Variants in CSMD1 observed in about 807,000 individuals in gnomAD.
CSMD1 encodes the protein CUB and Sushi multiple domains 1.
A neutral mutation model predicts 417.5 loss-of-function variants in CSMD1; 213 were observed. The observed-to-expected ratio is 0.51, with a 90% confidence interval of 0.46 to 0.57. CSMD1 has a LOEUF of 0.57. Ranked by LOEUF, CSMD1 falls within the 20% of genes least tolerant of loss-of-function variation. The pLI is 0.00. For missense variants in CSMD1, 6,923 were observed against 4,529.7 expected, an observed-to-expected ratio of 1.53 and a Z score of -15.17; for synonymous variants, 2,862 against 1,736.8, an observed-to-expected ratio of 1.65 and a Z score of -16.11.
intron 5 of CSMD1, among the ~76,000 whole-genome samples, chr8:3,891,556 A>G (rs1306626659): frequency 1.3e-5 from 2 of 151,956 alleles, no homozygotes; most frequent in African/African-American, 4.8e-5. Context: ...GGGGGTGTAC[A>G]CCTGTAGTCT....
intron 29 of CSMD1, among the ~76,000 whole-genome samples, chr8:3,217,439 C>T (rs1439295011): frequency 6.6e-6 from 1 of 152,202 alleles, no homozygotes; most frequent in South Asian, 2.1e-4. Context: ...CTTAGGATGC[C>T]GGGGAGAACA....
chr8:4,473,441 G>C (rs1051535011), intron 2 of CSMD1, among the ~76,000 whole-genome samples: 3 of 152,126 alleles, frequency 2.0e-5, no homozygotes, highest in African/African-American at 7.2e-5. Flanking sequence ...GTATTATTTT[G>C]TTTCATAAGC....
intron 1 of CSMD1, among the ~76,000 whole-genome samples, chr8:4,666,846 A>G (rs1804967932): frequency 6.6e-6 from 1 of 152,056 alleles, no homozygotes; most frequent in Non-Finnish European, 1.5e-5. Flanking sequence ...AGAACTTTAT[A>G]ATTTTGATGA....
chr8:4,379,344 G>C (rs752160374), intron 3 of CSMD1, among the ~76,000 whole-genome samples: 4 of 152,224 alleles, frequency 2.6e-5, no homozygotes, highest in African/African-American at 9.7e-5. Context: ...AATTGGAGGA[G>C]ATTCAGGAGA....
chr8:4,540,365 T>C (rs1264080426), intron 2 of CSMD1, among the ~76,000 whole-genome samples: 2 of 151,880 alleles, frequency 1.3e-5, no homozygotes, highest in African/African-American at 4.8e-5. Context: ...CCAAAACTGG[T>C]GAAATAAGCA....
In CSMD1 at chr8:3,546,093, G is replaced by C. The variant is rs550118703; in HGVS notation, c.1344+28852C>G. On this transcript the variant is annotated intron_variant, in intron 10 of 69. Transcript: ENST00000635120. ...CAGCCCTTGCTAACAAATGTAAATA[G>C]CAGTAAAATCCAAGAAAATATGTTT... is the stretch of plus-strand genomic sequence containing the variant. Among the ~76,000 whole-genome samples the C allele has an allele frequency of 3.9e-5, 6 of 152,308 alleles. No individual in the cohort carries two copies. The East Asian group carries it at 9.7e-4, about 25-fold the overall frequency.
At chr8:3,736,236 T>G (rs988552124) in intron 6 of CSMD1, among the ~76,000 whole-genome samples, 17 of 152,178 alleles carry the variant, frequency 1.1e-4, no homozygotes, top group Non-Finnish European at 2.2e-4. Flanking sequence ...TGTGTGTATT[T>G]TTTTGTTTTG....
At chr8:4,958,353 G>A (rs28489494) in intron 1 of CSMD1, among the ~76,000 whole-genome samples, 1,860 of 152,082 alleles carry the variant, frequency 0.012, 32 homozygotes, top group African/African-American at 0.041. Context: ...AGGTGAACAT[G>A]GTTGATCTTT....
chr8:3,741,645 T>A (rs191822092), intron 6 of CSMD1, among the ~76,000 whole-genome samples: 2 of 152,236 alleles, frequency 1.3e-5, no homozygotes, highest in Admixed American at 1.3e-4. Context: ...CTAGCAAAAC[T>A]GAAAAGTAAT....
At chr8:3,321,683 C>G (rs1466268826) in intron 23 of CSMD1, among the ~76,000 whole-genome samples, 2 of 151,250 alleles carry the variant, frequency 1.3e-5, no homozygotes, top group Admixed American at 1.3e-4. Flanking sequence ...TATTTTAATT[C>G]TAGACAATGT....
intron 2 of CSMD1, among the ~76,000 whole-genome samples, chr8:4,503,094 T>C (rs1025343352): frequency 3.3e-5 from 5 of 152,186 alleles, no homozygotes; most frequent in Admixed American, 3.3e-4. Context: ...GAACAAGAAC[T>C]GTGAATTTGA....
At chr8:4,567,129 C>T (rs1220253992) in intron 2 of CSMD1, among the ~76,000 whole-genome samples, 1 of 152,166 alleles carries the variant, frequency 6.6e-6, no homozygotes, top group Non-Finnish European at 1.5e-5. Flanking sequence ...ATCACAGCAT[C>T]ACAGCCCTAC....
At chr8:3,396,412 C>T in intron 16 of CSMD1, 31 bp from the exon 17 acceptor site, 2 of 1,480,856 alleles carry the variant, frequency 1.4e-6, no homozygotes, top group East Asian at 2.4e-5. Context: ...TCAGAAAAGA[C>T]ATGCAGAACT....
In CSMD1 at chr8:3,920,789, T is replaced by C. The variant is rs192919453; in HGVS notation, c.818+77114A>G. Among the ~76,000 whole-genome samples the C allele has an allele frequency of 7.6e-4, 115 of 152,266 alleles. 1 individual carries two copies. Among genetic ancestry groups the C allele is most frequent in the Middle Eastern group, 6.8e-3 (2 of 294 alleles). On this transcript the variant is annotated intron_variant, in intron 5 of 69. Coordinates refer to ENST00000635120, the MANE Select transcript of CSMD1 (RefSeq NM_033225.6). Reference sequence around the variant, plus strand: ...TATATCCAATTTATTGATTTGCGTATGTTAAAACAACCTTGCATCCCAGCG... The same window carrying C: ...TATATCCAATTTATTGATTTGCGTACGTTAAAACAACCTTGCATCCCAGCG...
rs547355022 is a variant in CSMD1 at position 3,619,068 on chromosome 8, G to A, written c.1010-2271C>T. Among the ~76,000 whole-genome samples the A allele has an allele frequency of 2.0e-5, 3 of 151,832 alleles. No individual in the cohort carries two copies. In the South Asian group the frequency reaches 6.2e-4, roughly 31 times the overall value. ...AACTGCAGCAAGATTGCAAACCCAT[G>A]GGTACACTGGGGTAAGGGATTCCAG... is the stretch of plus-strand genomic sequence containing the variant. On this transcript the variant is annotated intron_variant, in intron 7 of 69. Coordinates refer to ENST00000635120, the MANE Select transcript of CSMD1 (RefSeq NM_033225.6).
At chr8:3,596,483 G>C (rs1347619387) in intron 8 of CSMD1, among the ~76,000 whole-genome samples, 1 of 152,168 alleles carries the variant, frequency 6.6e-6, no homozygotes, top group Non-Finnish European at 1.5e-5. Context: ...TCAGCATCAT[G>C]GGATGCTGGA....
intron 10 of CSMD1, among the ~76,000 whole-genome samples, chr8:3,572,171 T>C (rs1799971522): frequency 6.6e-6 from 1 of 152,146 alleles, no homozygotes; most frequent in African/African-American, 2.4e-5. Flanking sequence ...AGGGGCGCAT[T>C]CGAGCACTCC....
chr8:3,953,810 T>C (rs1235825738), intron 5 of CSMD1, among the ~76,000 whole-genome samples: 4 of 152,060 alleles, frequency 2.6e-5, no homozygotes, highest in African/African-American at 4.8e-5. Context: ...TATACAGCCA[T>C]GAGAGGTCTC....
chr8:4,404,210 C>T (rs1454116543), intron 3 of CSMD1, among the ~76,000 whole-genome samples: 1 of 152,084 alleles, frequency 6.6e-6, no homozygotes, highest in Non-Finnish European at 1.5e-5. Context: ...AATCCGTATG[C>T]CACTTCCCTA....
Sources: gnomAD v4.1 joint callset for allele counts (sites outside exome capture counted in the v4.1 genomes callset) on GRCh38, gnomAD v4.1.1 for gene constraint, MANE v1.5 for transcripts, NCBI Gene and HGNC (gene_info 2026-07-23, HGNC 2026-07-21) for gene names.